SLC24A2: variants seen among roughly 807,000 people sequenced by gnomAD.
The protein encoded by SLC24A2 is sodium/potassium/calcium exchanger 2.
Under a neutral mutation model 62.0 loss-of-function variants are expected in SLC24A2, and 36 were observed. That is an observed-to-expected ratio of 0.58 (90% CI 0.44 to 0.77). The LOEUF (loss-of-function observed/expected upper bound fraction) is 0.77. Ranked by LOEUF, SLC24A2 falls within the 30% of genes least tolerant of loss-of-function variation. SLC24A2 has a pLI of 0.00. For synonymous variants in SLC24A2, 358 were observed against 294.0 expected, an observed-to-expected ratio of 1.22 and a Z score of -2.23; for missense variants, 846 against 817.9, an observed-to-expected ratio of 1.03 and a Z score of -0.42.
At chr9:20,167,733 T>C in the SLC24A2 span, among the ~76,000 whole-genome samples, 1 of 151,988 alleles carries the variant, frequency 6.6e-6, no homozygotes, top group African/African-American at 2.4e-5. Flanking sequence ...TGAATTATAA[T>C]ACAAGATACT....
the SLC24A2 span, among the ~76,000 whole-genome samples, chr9:20,281,833 T>A: frequency 6.6e-6 from 1 of 152,198 alleles, no homozygotes; most frequent in Admixed American, 6.5e-5. Context: ...TGGGGAAAAT[T>A]GATATCTCTA....
the SLC24A2 span, among the ~76,000 whole-genome samples, chr9:19,937,255 A>T: frequency 3.9e-5 from 6 of 152,238 alleles, no homozygotes; most frequent in South Asian, 1.2e-3. Flanking sequence ...TGCTATTAAA[A>T]TATCAGAATG....
intron 2 of SLC24A2, among the ~76,000 whole-genome samples, chr9:19,776,776 G>A (rs1822858466): frequency 6.6e-6 from 1 of 152,130 alleles, no homozygotes; most frequent in African/African-American, 2.4e-5. Flanking sequence ...TTCTGTTTAG[G>A]GTGAATGTAT....
the SLC24A2 span, among the ~76,000 whole-genome samples, chr9:19,804,950 TAGG>T: frequency 2.0e-5 from 3 of 152,258 alleles, no homozygotes; most frequent in Admixed American, 2.0e-4. Flanking sequence ...TTTCAGATGG[TAGG>T]AGATTTGATT....
At chr9:20,024,235 G>A in the SLC24A2 span, among the ~76,000 whole-genome samples, 32 of 152,322 alleles carry the variant, frequency 2.1e-4, no homozygotes, top group East Asian at 9.7e-4. Flanking sequence ...TCTGGATTTG[G>A]TTGAAAATCT....
chr9:19,816,671 T>C, the SLC24A2 span, among the ~76,000 whole-genome samples: 1 of 152,112 alleles, frequency 6.6e-6, no homozygotes, highest in African/African-American at 2.4e-5. Context: ...CTTACAATCA[T>C]GGCAGAAGAT....
chr9:19,789,691 A>G (rs1342086882), upstream of SLC24A2, among the ~76,000 whole-genome samples: 1 of 152,200 alleles, frequency 6.6e-6, no homozygotes, highest in African/African-American at 2.4e-5. Context: ...CACAAGAAAT[A>G]GAATCAGGCT....
the SLC24A2 span, among the ~76,000 whole-genome samples, chr9:20,257,990 G>A: frequency 6.6e-6 from 1 of 152,166 alleles, no homozygotes. Flanking sequence ...AGAGCAAGGT[G>A]AGTGCTGAGA....
At chr9:19,708,124 G>C (rs1386365536) in intron 2 of SLC24A2, among the ~76,000 whole-genome samples, 1 of 152,106 alleles carries the variant, frequency 6.6e-6, no homozygotes, top group Non-Finnish European at 1.5e-5. Context: ...GACAAACAGA[G>C]AGCCAAATCA....
chr9:20,092,500 TA>T, the SLC24A2 span, among the ~76,000 whole-genome samples: 1 of 152,198 alleles, frequency 6.6e-6, no homozygotes, highest in Non-Finnish European at 1.5e-5. Context: ...GTATTAGTGT[TA>T]GGGAAGCCAA....
At chr9:20,245,209 G>A in the SLC24A2 span, among the ~76,000 whole-genome samples, 10 of 152,020 alleles carry the variant, frequency 6.6e-5, no homozygotes, top group Admixed American at 2.0e-4. Flanking sequence ...AGGTGGAGAG[G>A]GCAAGTAAAC....
chr9:19,821,444 T>C, the SLC24A2 span, among the ~76,000 whole-genome samples: 1 of 152,134 alleles, frequency 6.6e-6, no homozygotes, highest in Admixed American at 6.6e-5. Context: ...CAAAAGAATC[T>C]ATTAAGAATG....
At chr9:19,604,861 A>G (rs890177541) in intron 4 of SLC24A2, among the ~76,000 whole-genome samples, 46 of 152,334 alleles carry the variant, frequency 3.0e-4, no homozygotes, top group Admixed American at 1.4e-3. Flanking sequence ...TTTCCTGAAT[A>G]CTTGGTTCTT....
intron 4 of SLC24A2, among the ~76,000 whole-genome samples, chr9:19,616,608 C>A (rs1386469790): frequency 6.6e-6 from 1 of 152,176 alleles, no homozygotes; most frequent in Non-Finnish European, 1.5e-5. Context: ...TGACTTTGAA[C>A]AAGTTGCCTA....
the SLC24A2 span, among the ~76,000 whole-genome samples, chr9:20,189,091 T>TCC: frequency 2.3e-5 from 3 of 131,826 alleles, no homozygotes; most frequent in South Asian, 2.4e-4. Context: ...TTTTTTTTTT[T>TCC]TCCCAGTTGA....
chr9:20,233,867 G>C, the SLC24A2 span, among the ~76,000 whole-genome samples: 13 of 152,192 alleles, frequency 8.5e-5, no homozygotes, highest in Non-Finnish European at 1.6e-4. Flanking sequence ...GCTGGTACTG[G>C]TTGTCCCTTT....
the SLC24A2 span, among the ~76,000 whole-genome samples, chr9:20,242,346 A>C: frequency 0.19 from 29,620 of 152,180 alleles, 3,170 homozygotes; most frequent in African/African-American, 0.28. Context: ...AAGACTTCCT[A>C]CTCGATGCAT....
chr9:19,521,084 C>T (rs1833175481), intron 9 of SLC24A2, 24 bp from the exon 10 acceptor site: 1 of 1,612,296 alleles, frequency 6.2e-7, no homozygotes, highest in Non-Finnish European at 8.5e-7. Context: ...CAGGAATAAA[C>T]ATCTCAGTGT....
At chr9:20,093,133 G>A in the SLC24A2 span, among the ~76,000 whole-genome samples, 3 of 151,472 alleles carry the variant, frequency 2.0e-5, no homozygotes, top group South Asian at 2.1e-4. Flanking sequence ...GCGCAGTAGC[G>A]CAATCTCGAC....
Sources: gnomAD v4.1 joint callset for allele counts (sites outside exome capture counted in the v4.1 genomes callset) on GRCh38, gnomAD v4.1.1 for gene constraint, MANE v1.5 for transcripts, NCBI Gene and HGNC (gene_info 2026-07-23, HGNC 2026-07-21) for gene names.